CCDC85A: variants seen among roughly 807,000 people sequenced by gnomAD.
CCDC85A encodes coiled-coil domain containing 85A.
Under a neutral mutation model 50.2 loss-of-function variants are expected in CCDC85A, and 38 were observed. The observed-to-expected ratio is 0.76, with a 90% CI of 0.58 to 0.99. The LOEUF (loss-of-function observed/expected upper bound fraction) is 0.99. CCDC85A is among the 50% of genes least tolerant of loss of function. The pLI is 0.00. For synonymous variants in CCDC85A, 366 were observed against 301.4 expected, an observed-to-expected ratio of 1.21 and a Z score of -2.22; for missense variants, 820 against 742.0, an observed-to-expected ratio of 1.11 and a Z score of -1.22.
chr2:56,215,776 A>G (rs1479737181), intron 2 of CCDC85A, among the ~76,000 whole-genome samples: 5 of 151,852 alleles, frequency 3.3e-5, no homozygotes, highest in African/African-American at 1.2e-4. Context: ...GTATTGCTTT[A>G]TAGCTTGGGT....
intron 5 of CCDC85A, among the ~76,000 whole-genome samples, chr2:56,381,883 T>C (rs370965501): frequency 6.2e-4 from 95 of 152,178 alleles, no homozygotes; most frequent in African/African-American, 1.9e-3. Flanking sequence ...CTTTCAAAAA[T>C]AAATTGAAAG....
intron 4 of CCDC85A, 111 bp downstream of exon 4, chr2:56,372,589 A>G: frequency 8.2e-7 from 1 of 1,224,572 alleles, no homozygotes; most frequent in Non-Finnish European, 1.1e-6. Context: ...TACACATGAA[A>G]GAAAGTTGTA....
At chr2:56,310,155 A>C (rs1245871205) in intron 2 of CCDC85A, among the ~76,000 whole-genome samples, 2 of 152,170 alleles carry the variant, frequency 1.3e-5, no homozygotes, top group Non-Finnish European at 2.9e-5. Flanking sequence ...TGTTTAACCT[A>C]CACTTAGAGT....
chr2:56,370,361 T>C (rs1461261364), intron 3 of CCDC85A, among the ~76,000 whole-genome samples: 1 of 152,168 alleles, frequency 6.6e-6, no homozygotes, highest in Non-Finnish European at 1.5e-5. Context: ...ATTTGAAAGT[T>C]AATGATGATG....
intron 2 of CCDC85A, among the ~76,000 whole-genome samples, chr2:56,247,567 C>G (rs1432275747): frequency 6.6e-6 from 1 of 152,142 alleles, no homozygotes; most frequent in Non-Finnish European, 1.5e-5. Flanking sequence ...TTGAAGCCAC[C>G]TTGTTTAAAG....
intron 2 of CCDC85A, among the ~76,000 whole-genome samples, chr2:56,234,295 T>G (rs977279305): frequency 2.0e-5 from 3 of 152,182 alleles, no homozygotes; most frequent in Non-Finnish European, 4.4e-5. Flanking sequence ...AACTTTGTTT[T>G]TGTCTTTTCA....
Position 56,269,820 on chromosome 2 carries a change from T to C in CCDC85A, c.1241-73059T>C, listed in dbSNP as rs560534865. On this transcript the variant is annotated intron_variant, in intron 2 of 5. Transcript: ENST00000407595. The stretch of plus-strand genomic sequence containing the variant: ...ACATAAAGTAGAGTTAACATCCATT[T>C]CCTCTCTTGCGTTATTTCAGATGAT... Among the ~76,000 whole-genome samples, 9 of 152,278 alleles carry C rather than the reference T, an allele frequency of 5.9e-5. No individual in the cohort carries two copies. In the East Asian group the frequency reaches 1.4e-3, roughly 23 times the overall value.
At chr2:56,231,381 C>G (rs919285417) in intron 2 of CCDC85A, among the ~76,000 whole-genome samples, 1 of 152,144 alleles carries the variant, frequency 6.6e-6, no homozygotes, top group African/African-American at 2.4e-5. Flanking sequence ...TTATAGAAAT[C>G]AGTGAAACAG....
intron 5 of CCDC85A, among the ~76,000 whole-genome samples, chr2:56,382,063 T>C (rs1676610659): frequency 6.6e-6 from 1 of 152,008 alleles, no homozygotes; most frequent in Non-Finnish European, 1.5e-5. Context: ...CAAATCTGAT[T>C]CTTAAGCAAT....
intron 2 of CCDC85A, among the ~76,000 whole-genome samples, chr2:56,219,729 T>G (rs1668237853): frequency 6.6e-6 from 1 of 151,968 alleles, no homozygotes; most frequent in Admixed American, 6.6e-5. Context: ...AATAATATCT[T>G]AACTTCACTT....
At chr2:56,200,964 A>C (rs1174796736) in intron 2 of CCDC85A, among the ~76,000 whole-genome samples, 1 of 151,900 alleles carries the variant, frequency 6.6e-6, no homozygotes, top group East Asian at 1.9e-4. Context: ...ATTTATCAGA[A>C]TCTTAGTTAT....
chr2:56,256,467 A>C (rs1318688415), intron 2 of CCDC85A, among the ~76,000 whole-genome samples: 3 of 152,220 alleles, frequency 2.0e-5, no homozygotes, highest in African/African-American at 7.2e-5. Flanking sequence ...CTGTCAGTCT[A>C]GCTGTGAATT....
Position 56,344,636 on chromosome 2 carries a change from C to T in CCDC85A, c.1317+1681C>T, listed in dbSNP as rs77460303. Among the ~76,000 whole-genome samples, 1,583 of 152,152 alleles carry T rather than the reference C, an allele frequency of 0.01. 137 individuals are homozygous for T. The East Asian group carries it at 0.22, about 21-fold the overall frequency. On this transcript the variant is annotated intron_variant, in intron 3 of 5. Coordinates refer to ENST00000407595, the MANE Select transcript of CCDC85A (RefSeq NM_001080433.2). Reference sequence around the variant, plus strand: ...TACTGGTGGGTTTGTTTTCTCTTTGCTCTTCATTGTTTTCCTTTTAAAATT... The same window carrying T: ...TACTGGTGGGTTTGTTTTCTCTTTGTTCTTCATTGTTTTCCTTTTAAAATT...
intron 2 of CCDC85A, among the ~76,000 whole-genome samples, chr2:56,268,339 T>TTTA (rs554410929): frequency 8.1e-4 from 123 of 152,190 alleles, no homozygotes; most frequent in African/African-American, 2.9e-3. Flanking sequence ...GGCTCACACC[T>TTTA]GTAATCCCAG....
chr2:56,207,800 T>C (rs1276657550), intron 2 of CCDC85A, among the ~76,000 whole-genome samples: 1 of 152,166 alleles, frequency 6.6e-6, no homozygotes, highest in African/African-American at 2.4e-5. Context: ...GTTTTCTACT[T>C]ATAGCTGCTG....
chr2:56,314,118 C>T (rs1219456194), intron 2 of CCDC85A, among the ~76,000 whole-genome samples: 2 of 148,374 alleles, frequency 1.3e-5, no homozygotes, highest in African/African-American at 5.0e-5. Flanking sequence ...GGACGGGAAT[C>T]AAGGGCAGTC....
intron 1 of CCDC85A, among the ~76,000 whole-genome samples, chr2:56,190,745 G>A (rs1056697020): frequency 6.6e-6 from 1 of 152,140 alleles, no homozygotes; most frequent in Non-Finnish European, 1.5e-5. Context: ...ACACGTCCAA[G>A]CCACCATCAT....
intron 3 of CCDC85A, among the ~76,000 whole-genome samples, chr2:56,345,485 A>T (rs1674590713): frequency 6.6e-6 from 1 of 152,244 alleles, no homozygotes; most frequent in Non-Finnish European, 1.5e-5. Context: ...TATGCAAAGA[A>T]TGCAGTAGAT....
intron 2 of CCDC85A, among the ~76,000 whole-genome samples, chr2:56,217,156 A>G (rs760292356): frequency 2.4e-4 from 36 of 151,892 alleles, no homozygotes; most frequent in Non-Finnish European, 1.0e-4. Flanking sequence ...AGTTTTATCT[A>G]TCTCTCCCAT....
Sources: allele counts gnomAD v4.1 joint callset (sites outside exome capture counted in the v4.1 genomes callset), GRCh38; gene constraint gnomAD v4.1.1; transcripts MANE v1.5; gene names NCBI Gene and HGNC (gene_info 2026-07-23, HGNC 2026-07-21).